The following RELL1 variants were observed in gnomAD, a reference collection of about 807,000 sequenced individuals.
RELL1 encodes RELT-like protein 1.
A neutral mutation model predicts 23.0 loss-of-function variants in RELL1; 10 were observed. That is an observed-to-expected ratio of 0.43 (90% CI 0.27 to 0.74). The LOEUF (loss-of-function observed/expected upper bound fraction) is 0.74. RELL1 is among the 30% of genes least tolerant of loss of function. The pLI is 0.19. For missense variants in RELL1, 315 were observed against 364.4 expected, an observed-to-expected ratio of 0.86 and a Z score of 1.10; for synonymous variants, 146 against 146.8, an observed-to-expected ratio of 0.99 and a Z score of 0.04.
rs1671855556 is a variant in RELL1 at position 37,663,593 on chromosome 4, C to G, written c.89-14093G>C. On this transcript the variant is annotated intron_variant, in intron 1 of 6. Transcript: ENST00000454158. Reference sequence around the variant, plus strand: ...GCTTCCTGGGCAATCTCATTCTTCCCTCGCAGCATCTGTAAGGAAGCATCT... The same window carrying G: ...GCTTCCTGGGCAATCTCATTCTTCCGTCGCAGCATCTGTAAGGAAGCATCT... Among the ~76,000 whole-genome samples the G allele has an allele frequency of 2.0e-5, 3 of 152,272 alleles. No individual in the cohort carries two copies. In the South Asian group the frequency reaches 6.2e-4, roughly 32 times the overall value.
intron 1 of RELL1, among the ~76,000 whole-genome samples, chr4:37,653,368 A>ACAAG: frequency 2.1e-5 from 1 of 47,588 alleles, no homozygotes; most frequent in Middle Eastern, 8.2e-3. Flanking sequence ...TGAAACCTCA[A>ACAAG]TATTCAATAC....
intron 1 of RELL1, among the ~76,000 whole-genome samples, chr4:37,665,562 G>A (rs1447860760): frequency 2.0e-5 from 3 of 152,172 alleles, no homozygotes; most frequent in Admixed American, 6.5e-5. Flanking sequence ...ACGTGGCTGC[G>A]AGTCCTAACA....
intron 1 of RELL1, among the ~76,000 whole-genome samples, chr4:37,677,976 C>G (rs1191102343): frequency 3.3e-5 from 5 of 151,986 alleles, no homozygotes; most frequent in South Asian, 2.1e-4. Flanking sequence ...CCTTGTCCCC[C>G]CAAAAAAGAA....
At chr4:37,669,181 T>TG (rs533323150) in intron 1 of RELL1, among the ~76,000 whole-genome samples, 21 of 80,968 alleles carry the variant, frequency 2.6e-4, no homozygotes, top group African/African-American at 1.1e-3. Context: ...GGGAGGGAGG[T>TG]GGGGGGGGGG....
At chr4:37,669,005 T>TG (rs1331662561) in intron 1 of RELL1, among the ~76,000 whole-genome samples, 2,283 of 116,254 alleles carry the variant, frequency 0.02, 77 homozygotes, top group African/African-American at 0.071. Context: ...AGGAGAGAGG[T>TG]GGGGGGGTCA....
intron 5 of RELL1, among the ~76,000 whole-genome samples, chr4:37,632,688 G>A (rs1577577048): frequency 6.6e-6 from 1 of 151,146 alleles, no homozygotes; most frequent in Non-Finnish European, 1.5e-5. Flanking sequence ...ATTAGGGTTT[G>A]AGAGTAAGCC....
At chr4:37,674,658 T>A (rs1318577613) in intron 1 of RELL1, among the ~76,000 whole-genome samples, 1 of 152,238 alleles carries the variant, frequency 6.6e-6, no homozygotes, top group Admixed American at 6.5e-5. Flanking sequence ...AGTGGATAAT[T>A]CACATAATTG....
chr4:37,603,738 A>G (rs1719077056), intron 6 of RELL1, among the ~76,000 whole-genome samples: 1 of 152,200 alleles, frequency 6.6e-6, no homozygotes, highest in Admixed American at 6.5e-5. Flanking sequence ...CCTGCTGTGT[A>G]GTCTTCTTTC....
intron 6 of RELL1, among the ~76,000 whole-genome samples, chr4:37,593,735 AG>A: frequency 1.3e-5 from 2 of 152,306 alleles, no homozygotes; most frequent in African/African-American, 4.8e-5. Flanking sequence ...CTGCCACAGG[AG>A]GTCTCAAAAC....
intron 1 of RELL1, among the ~76,000 whole-genome samples, chr4:37,660,979 C>T (rs111396261): frequency 0.14 from 21,254 of 150,912 alleles, 3,179 homozygotes; most frequent in African/African-American, 0.39. Flanking sequence ...TGCAGTGAGC[C>T]GAGACTGTGC....
intron 3 of RELL1, among the ~76,000 whole-genome samples, chr4:37,647,014 C>T (rs979249600): frequency 4.6e-5 from 7 of 152,110 alleles, no homozygotes; most frequent in Non-Finnish European, 1.0e-4. Flanking sequence ...TGTGAGCCAC[C>T]GTGCCAGGCT....
rs1420478681 is a variant in RELL1 at position 37,635,031 on chromosome 4, T to G, written c.536A>C (p.His179Pro). 1 of 1,614,230 alleles carries G rather than the reference T, an allele frequency of 6.2e-7. No homozygotes were observed. The highest frequency in any genetic ancestry group is 1.7e-5 in the Admixed American group (1 of 60,028). ...GACAACACCGCCCACCGTATGCAGA[T>G]GATGGCCACAGACGTGCTTCCCTGG... Reference protein sequence around the residue: ...GTPGKHVCGHHLHTVGGVVER... With the variant: ...GTPGKHVCGHPLHTVGGVVER... The change falls in exon 5 of 7, where the codon CAT (histidine) becomes CCT (proline). Residue 179 changes from histidine (H) to proline (P), a missense_variant. Coordinates refer to ENST00000454158, the MANE Select transcript of RELL1 (RefSeq NM_001085400.2).
chr4:37,665,097 G>A (rs1721486726), intron 1 of RELL1: 2 of 372,130 alleles, frequency 5.4e-6, no homozygotes, highest in South Asian at 4.1e-5. Context: ...TTCTCTCATT[G>A]CAGAAGGGCT....
At chr4:37,669,149 T>C (rs1721675837) in intron 1 of RELL1, among the ~76,000 whole-genome samples, 1 of 120,306 alleles carries the variant, frequency 8.3e-6, no homozygotes, top group African/African-American at 3.5e-5. Flanking sequence ...GGAGCCCCTC[T>C]GCCCGGCCAG....
intron 3 of RELL1, among the ~76,000 whole-genome samples, chr4:37,644,421 G>C (rs1720629475): frequency 7.0e-6 from 1 of 142,800 alleles, no homozygotes. Context: ...TACGTCATCT[G>C]GTACTTTTAT....
chr4:37,640,479 T>C (rs1460740233), intron 3 of RELL1, among the ~76,000 whole-genome samples: 1 of 152,222 alleles, frequency 6.6e-6, no homozygotes, highest in Non-Finnish European at 1.5e-5. Context: ...CCATATACAA[T>C]TTTGTATTTT....
chr4:37,666,335 A>C (rs573680930), intron 1 of RELL1, among the ~76,000 whole-genome samples: 1 of 152,352 alleles, frequency 6.6e-6, no homozygotes, highest in East Asian at 1.9e-4. Context: ...GCATGGAAGC[A>C]AAAGCAGAAA....
chr4:37,593,328 G>A (rs181493373), intron 6 of RELL1, among the ~76,000 whole-genome samples: 1 of 151,796 alleles, frequency 6.6e-6, no homozygotes, highest in Non-Finnish European at 1.5e-5. Context: ...TCACTGGCCC[G>A]TGTATCAATG....
At chr4:37,624,820 G>A (rs990580141) in intron 6 of RELL1, among the ~76,000 whole-genome samples, 1 of 152,184 alleles carries the variant, frequency 6.6e-6, no homozygotes, top group African/African-American at 2.4e-5. Context: ...TTTCTGAGAT[G>A]TCCTGAGAGT....
Sources: allele counts gnomAD v4.1 joint callset (sites outside exome capture counted in the v4.1 genomes callset), GRCh38; gene constraint gnomAD v4.1.1; transcripts MANE v1.5; gene names NCBI Gene and HGNC (gene_info 2026-07-23, HGNC 2026-07-21).